The following GRIN2B variants were observed in gnomAD, a reference collection of about 807,000 sequenced individuals.
GRIN2B encodes the protein glutamate ionotropic receptor NMDA type subunit 2B.
GRIN2B carries 5 observed loss-of-function variants against 114.5 expected under a neutral mutation model. That is an observed-to-expected ratio of 0.04 (90% confidence interval 0.02 to 0.09). The LOEUF is 0.09. Ranked by LOEUF, GRIN2B falls within the 10% of genes least tolerant of loss-of-function variation. GRIN2B has a pLI of 1.00. For synonymous variants in GRIN2B, 787 were observed against 745.1 expected (o/e 1.06, Z -0.92); for missense variants, 1,108 against 1,943.5 (o/e 0.57, Z 8.08).
At chr12:13,712,299 C>T (rs182496991) in intron 4 of GRIN2B, among the ~76,000 whole-genome samples, 65 of 151,902 alleles carry the variant, frequency 4.3e-4, no homozygotes, top group Middle Eastern at 3.4e-3. Context: ...TTAATGAGTG[C>T]GGCACACCAA....
Position 13,865,966 on chromosome 12 carries a change from G to A in GRIN2B, c.243C>T (p.Ile81=), listed in dbSNP as rs1466430368. The A allele has an allele frequency of 6.2e-7, 1 of 1,614,046 alleles. No homozygotes were observed. The highest frequency in any genetic ancestry group is 1.3e-5 in the African/African-American group (1 of 75,038). Residue 81 remains isoleucine, a synonymous_variant, in exon 3 of 14, where the codon ATC becomes ATT. Transcript: ENST00000609686. The part of the protein sequence containing the change: ...VAMNETDPKS[I]ITRICDLMSD... ...ACATGAGATCACAGATGCGGGTGATGATGCTCTTTGGGTCGGTCTCATTCA... is the reference window on the plus strand; with the variant it reads ...ACATGAGATCACAGATGCGGGTGATAATGCTCTTTGGGTCGGTCTCATTCA...
At chr12:13,586,551 G>T (rs1211609333) in intron 10 of GRIN2B, among the ~76,000 whole-genome samples, 2 of 152,178 alleles carry the variant, frequency 1.3e-5, no homozygotes, top group Non-Finnish European at 2.9e-5. Context: ...GTCTCACACA[G>T]GAGCCGAGGA....
chr12:13,779,625 T>A (rs1195769737), intron 3 of GRIN2B, among the ~76,000 whole-genome samples: 1 of 152,228 alleles, frequency 6.6e-6, no homozygotes, highest in Non-Finnish European at 1.5e-5. Flanking sequence ...GTGCTTCTGT[T>A]CATATAAACC....
At chr12:13,907,882 A>G (rs532074533) in intron 2 of GRIN2B, among the ~76,000 whole-genome samples, 4 of 152,310 alleles carry the variant, frequency 2.6e-5, no homozygotes, top group Non-Finnish European at 5.9e-5. Flanking sequence ...AAAATAATTC[A>G]TCTTTTTCTT....
At chr12:13,886,220 A>G (rs1189031954) in intron 2 of GRIN2B, among the ~76,000 whole-genome samples, 1 of 152,194 alleles carries the variant, frequency 6.6e-6, no homozygotes, top group Non-Finnish European at 1.5e-5. Flanking sequence ...TTACCGGTGT[A>G]TGTACTGGTT....
At chr12:13,941,067 TCACA>T (rs57165618) in intron 2 of GRIN2B, among the ~76,000 whole-genome samples, 2 of 150,820 alleles carry the variant, frequency 1.3e-5, no homozygotes, top group African/African-American at 2.4e-5. Flanking sequence ...ACACATATGT[TCACA>T]CACACACACA....
At position 13,973,712 on chromosome 12, in the gene GRIN2B, T is replaced by C. The variant is rs182040879; in HGVS notation, c.-19+6216A>G. On this transcript the variant is annotated intron_variant, in intron 2 of 13. Coordinates refer to ENST00000609686, the MANE Select transcript of GRIN2B (RefSeq NM_000834.5). ...ATCTTCAGATCCAGGGTACTCTCTTTATATGTAATGCATCTTTAATAAGTC... is the reference window on the plus strand; with the variant it reads ...ATCTTCAGATCCAGGGTACTCTCTTCATATGTAATGCATCTTTAATAAGTC... Among the ~76,000 whole-genome samples, 56 of 152,354 alleles carry C rather than the reference T, an allele frequency of 3.7e-4. No individual in the cohort carries two copies. The East Asian group carries it at 0.011, about 29-fold the overall frequency.
chr12:13,690,333 T>G (rs1714772438), intron 4 of GRIN2B, among the ~76,000 whole-genome samples: 1 of 141,028 alleles, frequency 7.1e-6, no homozygotes, highest in African/African-American at 2.6e-5. Flanking sequence ...ACGCACAATC[T>G]ATTTACAAAT....
At chr12:13,954,811 G>GAAAAAAAAA (rs61525874) in intron 2 of GRIN2B, among the ~76,000 whole-genome samples, 274 of 25,508 alleles carry the variant, frequency 0.011, 42 homozygotes, top group Non-Finnish European at 0.015. Flanking sequence ...TCCGTCTCAG[G>GAAAAAAAAA]AAAAAAAAAA....
chr12:13,849,136 C>A (rs1427983190), intron 3 of GRIN2B, among the ~76,000 whole-genome samples: 1 of 152,116 alleles, frequency 6.6e-6, no homozygotes, highest in African/African-American at 2.4e-5. Context: ...TCTTCTGATA[C>A]AGATGTGCTG....
At chr12:13,638,136 G>A (rs1949681861) in intron 5 of GRIN2B, among the ~76,000 whole-genome samples, 1 of 152,094 alleles carries the variant, frequency 6.6e-6, no homozygotes, top group Non-Finnish European at 1.5e-5. Flanking sequence ...AGAAAACAAA[G>A]AGACAAACAA....
At chr12:13,761,724 G>T (rs1307377251) in intron 3 of GRIN2B, among the ~76,000 whole-genome samples, 3 of 152,140 alleles carry the variant, frequency 2.0e-5, no homozygotes, top group Non-Finnish European at 4.4e-5. Flanking sequence ...AAAAGAGCAA[G>T]CTGACAAGTT....
At chr12:13,694,656 C>CACACATAT (rs1555122534) in intron 4 of GRIN2B, among the ~76,000 whole-genome samples, 2 of 71,406 alleles carry the variant, frequency 2.8e-5, no homozygotes, top group South Asian at 3.9e-4. Context: ...AAGAAAATGT[C>CACACATAT]ATATATATAT....
intron 2 of GRIN2B, among the ~76,000 whole-genome samples, chr12:13,902,093 G>T (rs12426262): frequency 0.11 from 16,259 of 151,974 alleles, 1,557 homozygotes; most frequent in East Asian, 0.43. Context: ...ACACCATTCA[G>T]CTTTAAAATA....
intron 3 of GRIN2B, among the ~76,000 whole-genome samples, chr12:13,762,014 CT>C (rs1434330487): frequency 6.6e-6 from 1 of 151,906 alleles, no homozygotes; most frequent in Non-Finnish European, 1.5e-5. Flanking sequence ...GAATCTTTTT[CT>C]TTTTTTGGAA....
intron 5 of GRIN2B, among the ~76,000 whole-genome samples, chr12:13,655,174 C>T (rs1949850785): frequency 6.6e-6 from 1 of 152,010 alleles, no homozygotes; most frequent in African/African-American, 2.4e-5. Flanking sequence ...AACCAAAAAA[C>T]CCACCGAGCA....
In GRIN2B at chr12:13,880,712, T is replaced by C. The variant is rs75828731; in HGVS notation, c.-18-14486A>G. The stretch of plus-strand genomic sequence containing the variant: ...GCGTTTTCAATTGAAATAATATTCA[T>C]GGAAACAGTTTTCTTCTCTACACGA... On this transcript the variant is annotated intron_variant, in intron 2 of 13. Transcript: ENST00000609686. Among the ~76,000 whole-genome samples, 372 of 152,346 alleles carry C rather than the reference T, an allele frequency of 2.4e-3. 2 individuals are homozygous for C. Among genetic ancestry groups the C allele is most frequent in the Non-Finnish European group, 4.5e-3 (304 of 68,024 alleles).
In GRIN2B at chr12:13,839,439, G is replaced by A. The variant is rs142503777; in HGVS notation, c.411+26359C>T. Among the ~76,000 whole-genome samples the A allele has an allele frequency of 5.0e-3, 760 of 152,264 alleles. 3 individuals are homozygous for A. The highest frequency in any genetic ancestry group is 0.012 in the South Asian group (56 of 4,828). ...GTGAAATGTAACCACACATACAATC[G>A]TCATGGTGAAAATCCCTGAGATGTT... On this transcript the variant is annotated intron_variant, in intron 3 of 13. Transcript: ENST00000609686.
At chr12:13,788,372 T>G (rs979688984) in intron 3 of GRIN2B, among the ~76,000 whole-genome samples, 1 of 152,178 alleles carries the variant, frequency 6.6e-6, no homozygotes. Flanking sequence ...TTTCTCTCAT[T>G]TCTACTGATT....
Sources: gnomAD v4.1 joint callset for allele counts (sites outside exome capture counted in the v4.1 genomes callset) on GRCh38, gnomAD v4.1.1 for gene constraint, MANE v1.5 for transcripts, NCBI Gene and HGNC (gene_info 2026-07-23, HGNC 2026-07-21) for gene names.